Variants in SMYD3 observed in about 807,000 individuals in gnomAD.
SMYD3 encodes the protein histone-lysine N-methyltransferase SMYD3.
Under a neutral mutation model 57.7 loss-of-function variants are expected in SMYD3, and 36 were observed. The observed-to-expected ratio is 0.62, with a 90% confidence interval of 0.48 to 0.82. The LOEUF is 0.82. Ranked by LOEUF, SMYD3 falls within the 40% of genes least tolerant of loss-of-function variation. SMYD3 has a pLI of 0.00. For missense variants in SMYD3, 515 were observed against 538.8 expected, an observed-to-expected ratio of 0.96 and a Z score of 0.44; for synonymous variants, 211 against 195.0, an observed-to-expected ratio of 1.08 and a Z score of -0.68.
chr1:246,093,931 A>G (rs1185098188), intron 5 of SMYD3, among the ~76,000 whole-genome samples: 4 of 152,166 alleles, frequency 2.6e-5, no homozygotes, highest in Non-Finnish European at 5.9e-5. Flanking sequence ...CACACAGCCC[A>G]TACAAATTCC....
chr1:246,282,321 A>C (rs913852060), intron 5 of SMYD3, among the ~76,000 whole-genome samples: 1 of 83,202 alleles, frequency 1.2e-5, no homozygotes, highest in Non-Finnish European at 2.7e-5. Flanking sequence ...AAAAAAAAAA[A>C]AAAAAAAAAA....
chr1:245,966,079 T>G (rs565644337), intron 5 of SMYD3, among the ~76,000 whole-genome samples: 1 of 152,340 alleles, frequency 6.6e-6, no homozygotes, highest in South Asian at 2.1e-4. Context: ...TAAAGGATTT[T>G]TACACAACTA....
At chr1:246,176,750 T>C (rs2062441803) in intron 5 of SMYD3, among the ~76,000 whole-genome samples, 1 of 152,148 alleles carries the variant, frequency 6.6e-6, no homozygotes. Flanking sequence ...CTGAAACTCC[T>C]GAGCTCAAGC....
intron 5 of SMYD3, among the ~76,000 whole-genome samples, chr1:246,124,496 C>T (rs566503025): frequency 1.2e-4 from 19 of 152,134 alleles, no homozygotes; most frequent in African/African-American, 2.2e-4. Context: ...ACAAAGAAGG[C>T]GAGGTTTGAA....
chr1:246,413,935 A>G (rs565022897), intron 1 of SMYD3, among the ~76,000 whole-genome samples: 2 of 152,362 alleles, frequency 1.3e-5, no homozygotes, highest in African/African-American at 4.8e-5. Flanking sequence ...AAAACTCCGA[A>G]AAAACAAAAC....
At position 245,834,189 on chromosome 1, in the gene SMYD3, G is replaced by GAAT. The variant is rs137892585; in HGVS notation, c.1076+24304_1076+24306dup. Among the ~76,000 whole-genome samples, 1,138 of 152,278 alleles carry GAAT rather than the reference G, an allele frequency of 7.5e-3. 17 individuals are homozygous for GAAT. The highest frequency in any genetic ancestry group is 0.026 in the African/African-American group (1,082 of 41,550). ...GACTGTGGCAAGCTTCCTCATAAAG[G>GAAT]AATGCTCTTCAGAGCCTCTGACATC... On this transcript the variant is annotated intron_variant, in intron 10 of 11. Coordinates refer to ENST00000490107, the MANE Select transcript of SMYD3 (RefSeq NM_001167740.2).
intron 5 of SMYD3, among the ~76,000 whole-genome samples, chr1:245,993,652 A>G (rs2058860006): frequency 6.7e-6 from 1 of 148,886 alleles, no homozygotes; most frequent in Admixed American, 6.8e-5. Context: ...ACAGACAGAC[A>G]GACAGACAGA....
chr1:246,504,906 A>G (rs55879429), intron 1 of SMYD3, among the ~76,000 whole-genome samples: 34,852 of 152,198 alleles, frequency 0.23, 4,602 homozygotes, highest in African/African-American at 0.38. Context: ...CAACAGTGGC[A>G]GAAAACTGCA....
At chr1:245,915,429 G>T in intron 8 of SMYD3, 101 bp downstream of exon 8, 2 of 700,080 alleles carry the variant, frequency 2.9e-6, no homozygotes, top group Non-Finnish European at 2.6e-6. Flanking sequence ...ACCATGTACT[G>T]AGGGTCATTA....
chr1:245,944,057 G>C (rs976763322), intron 5 of SMYD3, among the ~76,000 whole-genome samples: 1 of 152,198 alleles, frequency 6.6e-6, no homozygotes, highest in Non-Finnish European at 1.5e-5. Context: ...AAAGCTGGAA[G>C]CATTCCTCTT....
intron 5 of SMYD3, among the ~76,000 whole-genome samples, chr1:246,077,916 C>G (rs2060574630): frequency 1.3e-5 from 2 of 151,994 alleles, no homozygotes; most frequent in South Asian, 4.2e-4. Context: ...CAAATAAAAA[C>G]AAAATCTGTC....
At chr1:246,489,329 G>A (rs2068234621) in intron 1 of SMYD3, among the ~76,000 whole-genome samples, 1 of 152,122 alleles carries the variant, frequency 6.6e-6, no homozygotes, top group African/African-American at 2.4e-5. Context: ...TCCAGCCTGG[G>A]CGACAGAGCG....
At chr1:246,474,052 C>A (rs1174824193) in intron 1 of SMYD3, among the ~76,000 whole-genome samples, 2 of 152,236 alleles carry the variant, frequency 1.3e-5, no homozygotes, top group Non-Finnish European at 2.9e-5. Flanking sequence ...TATTTTTAAT[C>A]TAATCCTATA....
intron 5 of SMYD3, among the ~76,000 whole-genome samples, chr1:246,138,316 T>C (rs1208683133): frequency 1.3e-5 from 2 of 152,088 alleles, no homozygotes; most frequent in African/African-American, 4.8e-5. Context: ...AATACTAAGC[T>C]TCTAGGATTT....
intron 10 of SMYD3, among the ~76,000 whole-genome samples, chr1:245,791,010 C>T (rs2047245430): frequency 1.3e-5 from 2 of 152,118 alleles, no homozygotes; most frequent in African/African-American, 2.4e-5. Flanking sequence ...AATTTGGTCT[C>T]TGTCCTAAGA....
rs191783903 is a variant in SMYD3, at chr1:246,115,533, T to C, written c.532-185596A>G. On this transcript the variant is annotated intron_variant, in intron 5 of 11. Transcript: ENST00000490107. ...ATTTGAGGGATACAAAAATAGCTAG[T>C]ACCCAAAAAGATAAAATAACAACAT... Among the ~76,000 whole-genome samples, 10 of 152,228 alleles carry C rather than the reference T, an allele frequency of 6.6e-5. No individual in the cohort carries two copies. The East Asian group carries it at 1.7e-3, about 26-fold the overall frequency.
rs1553289394 is a variant in SMYD3, at chr1:246,102,755, A to AATAATAATAAT, written c.532-172819_532-172818insATTATTATTAT. Among the ~76,000 whole-genome samples, 156 of 146,996 alleles carry AATAATAATAAT rather than the reference A, an allele frequency of 1.1e-3. 1 individual carries two copies. The highest frequency in any genetic ancestry group is 7.0e-3 in the Middle Eastern group (2 of 286). On this transcript the variant is annotated intron_variant, in intron 5 of 11. Coordinates refer to ENST00000490107, the MANE Select transcript of SMYD3 (RefSeq NM_001167740.2). The stretch of plus-strand genomic sequence containing the variant: ...AGACCTTGGCTCTCAAAAAAAAAAA[A>AATAATAATAAT]AATAATAATAATAATAATCCTACCT...
intron 5 of SMYD3, among the ~76,000 whole-genome samples, chr1:246,143,581 T>C (rs980253851): frequency 6.6e-6 from 1 of 152,092 alleles, no homozygotes; most frequent in Non-Finnish European, 1.5e-5. Flanking sequence ...GGTGGGAGGA[T>C]CACTTGAGCC....
At chr1:245,851,788 C>T (rs1377462034) in intron 10 of SMYD3, among the ~76,000 whole-genome samples, 2 of 152,204 alleles carry the variant, frequency 1.3e-5, no homozygotes, top group African/African-American at 4.8e-5. Flanking sequence ...TCTGGCAATG[C>T]TGTCCAGAGT....
Sources: gnomAD v4.1 joint callset for allele counts (sites outside exome capture counted in the v4.1 genomes callset) on GRCh38, gnomAD v4.1.1 for gene constraint, MANE v1.5 for transcripts, NCBI Gene and HGNC (gene_info 2026-07-23, HGNC 2026-07-21) for gene names.